ARHGAP6: variants seen among roughly 807,000 people sequenced by gnomAD.
ARHGAP6 encodes the protein rho GTPase-activating protein 6.
ARHGAP6 carries 16 observed loss-of-function variants against 55.7 expected under a neutral mutation model. The ratio of observed to expected loss-of-function variants is 0.29; its 90% CI spans 0.19 to 0.44. The LOEUF is 0.44. ARHGAP6 is among the 20% of genes least tolerant of loss of function. ARHGAP6 has a pLI of 1.00. For missense variants in ARHGAP6, 698 were observed against 808.9 expected (o/e 0.86, Z 1.66); for synonymous variants, 382 against 360.9 (o/e 1.06, Z -0.66).
chrX:11,310,093 C>T (rs935544228), intron 1 of ARHGAP6, among the ~76,000 whole-genome samples: 2 of 101,697 alleles, frequency 2.0e-5, no homozygotes, highest in African/African-American at 3.7e-5. Context: ...CCAGGGAGGT[C>T]GAGGCTGAAG....
rs774295151 is a variant in ARHGAP6 at position 11,408,768 on chromosome X, A to G, written c.589-154061T>C. ...ATGAGTTCTTCCTACCAGAGTTTACAAGATATCTGAGGGTGGCAATGCTAT... is the reference window on the plus strand; with the variant it reads ...ATGAGTTCTTCCTACCAGAGTTTACGAGATATCTGAGGGTGGCAATGCTAT... On this transcript the variant is annotated intron_variant, in intron 1 of 12. Transcript: ENST00000337414. 1.7e-3 allele frequency among the ~76,000 whole-genome samples: 192 copies of G among 110,705 alleles called. 4 individuals carry two copies. The highest frequency in any genetic ancestry group is 9.1e-3 in the Middle Eastern group (2 of 219).
At chrX:11,274,255 G>A (rs746740247) in intron 1 of ARHGAP6, among the ~76,000 whole-genome samples, 3 of 111,754 alleles carry the variant, frequency 2.7e-5, no homozygotes, top group African/African-American at 9.7e-5. Flanking sequence ...CACATTGACT[G>A]AGGCATGCCT....
At position 11,139,292 on chromosome X, in the gene ARHGAP6, C is replaced by A; in HGVS notation, c.2496G>T (p.Arg832=). Residue 832 remains arginine, a synonymous_variant, in exon 13 of 13, where the codon CGG becomes CGT. Transcript: ENST00000337414. ...PHVQVAGKAE[R]PTARSEQYLT... is the part of the protein sequence containing the mutation. ...AGTACTGCTCCGACCTGGCCGTGGG[C>A]CGCTCGGCTTTCCCTGCCACCTGGA... The A allele has an allele frequency of 8.4e-7, 1 of 1,187,319 alleles. No individual in the cohort carries two copies. Among genetic ancestry groups the A allele is most frequent in the Non-Finnish European group, 1.1e-6 (1 of 884,079 alleles).
At chrX:11,352,468 G>T (rs1414127266) in intron 1 of ARHGAP6, among the ~76,000 whole-genome samples, 3 of 111,851 alleles carry the variant, frequency 2.7e-5, no homozygotes, top group Non-Finnish European at 1.9e-5. Context: ...AGACAGCACA[G>T]AAACCACTGA....
chrX:11,214,140 A>G (rs2147396814), intron 2 of ARHGAP6, among the ~76,000 whole-genome samples: 1 of 110,794 alleles, frequency 9.0e-6, no homozygotes, highest in East Asian at 2.8e-4. Flanking sequence ...TTATCTATGA[A>G]TATAAAAGGA....
intron 1 of ARHGAP6, among the ~76,000 whole-genome samples, chrX:11,478,537 T>G (rs945835645): frequency 8.9e-6 from 1 of 112,059 alleles, no homozygotes; most frequent in Non-Finnish European, 1.9e-5. Flanking sequence ...GGGAACTAAC[T>G]GGAAGAGGCA....
intron 11 of ARHGAP6, chrX:11,143,701 G>A: frequency 9.4e-7 from 1 of 1,060,743 alleles, no homozygotes; most frequent in Non-Finnish European, 1.2e-6. Flanking sequence ...GAATCAGCTG[G>A]GAATAGGAGT....
chrX:11,179,424 T>C lies in ARHGAP6; in HGVS notation c.1358A>G (p.Asp453Gly). The change falls in exon 7 of 13, where the codon GAT becomes GGT. Residue 453 changes from aspartate (D) to glycine (G), a missense_variant. By Grantham distance (94) the Asp-to-Gly change is moderately conservative. Transcript: ENST00000337414. ...QLREEFDRGI[D>G]VSLEEEHSVH... is the part of the protein sequence containing the mutation. ...ACTGTGCTCCTCCTCCAGAGAGACATCAATCCCACGGTCAAATTCCTCACG... is the reference window on the plus strand; with the variant it reads ...ACTGTGCTCCTCCTCCAGAGAGACACCAATCCCACGGTCAAATTCCTCACG... The C allele has an allele frequency of 8.3e-7, 1 of 1,209,625 alleles. No individual in the cohort carries two copies.
At chrX:11,633,581 T>C (rs867644070) in intron 1 of ARHGAP6, among the ~76,000 whole-genome samples, 1 of 111,965 alleles carries the variant, frequency 8.9e-6, no homozygotes, top group African/African-American at 3.2e-5. Context: ...TCAATCAACC[T>C]ATATTTACTG....
At chrX:11,556,454 T>C (rs937679030) in intron 1 of ARHGAP6, among the ~76,000 whole-genome samples, 2 of 112,366 alleles carry the variant, frequency 1.8e-5, no homozygotes, top group Non-Finnish European at 3.8e-5. Context: ...ACTTGTGCTA[T>C]ACCCCAGCAA....
intron 2 of ARHGAP6, among the ~76,000 whole-genome samples, chrX:11,251,163 T>C (rs760480812): frequency 5.2e-4 from 58 of 111,574 alleles, no homozygotes; most frequent in Middle Eastern, 9.3e-3. Context: ...TCCTCTCCTC[T>C]TTCCTCAAAC....
At chrX:11,206,873 C>T (rs2046711557) in intron 2 of ARHGAP6, among the ~76,000 whole-genome samples, 1 of 111,462 alleles carries the variant, frequency 9.0e-6, no homozygotes, top group Non-Finnish European at 1.9e-5. Flanking sequence ...AACACGTAAT[C>T]ACATGTTTCT....
At chrX:11,396,447 C>T (rs2049478788) in intron 1 of ARHGAP6, among the ~76,000 whole-genome samples, 1 of 111,611 alleles carries the variant, frequency 9.0e-6, no homozygotes, top group African/African-American at 3.2e-5. Context: ...GCAACTCTCT[C>T]CTCCAGAGAG....
chrX:11,486,932 C>G (rs1217940485), intron 1 of ARHGAP6, among the ~76,000 whole-genome samples: 2 of 111,651 alleles, frequency 1.8e-5, no homozygotes, highest in Non-Finnish European at 3.8e-5. Context: ...GTGAGCAAAG[C>G]ATCCGTGTAG....
At chrX:11,230,757 C>T (rs2047120729) in intron 2 of ARHGAP6, among the ~76,000 whole-genome samples, 1 of 109,716 alleles carries the variant, frequency 9.1e-6, no homozygotes, top group Non-Finnish European at 1.9e-5. Context: ...AATATATGCA[C>T]ACACACACAC....
chrX:11,615,939 A>C (rs2052158736), intron 1 of ARHGAP6, among the ~76,000 whole-genome samples: 1 of 111,632 alleles, frequency 9.0e-6, no homozygotes, highest in African/African-American at 3.3e-5. Context: ...ATTCAAACCC[A>C]ACCCTTCTGC....
chrX:11,598,839 T>A (rs1488233153), intron 1 of ARHGAP6, among the ~76,000 whole-genome samples: 1 of 111,593 alleles, frequency 9.0e-6, no homozygotes, highest in East Asian at 2.8e-4. Flanking sequence ...GGAGGGTTGC[T>A]TGAACACAGG....
chrX:11,660,571 A>C (rs1457939781), intron 1 of ARHGAP6, among the ~76,000 whole-genome samples: 8 of 87,073 alleles, frequency 9.2e-5, no homozygotes, highest in Non-Finnish European at 1.5e-4. Context: ...AAAAAAAAAA[A>C]AAAAAAACCC....
intron 2 of ARHGAP6, among the ~76,000 whole-genome samples, chrX:11,249,765 A>G (rs1720909943): frequency 8.9e-6 from 1 of 112,151 alleles, no homozygotes; most frequent in African/African-American, 3.2e-5. Context: ...TAGTTTGTCA[A>G]ATGTGCTATA....
Sources: allele counts gnomAD v4.1 joint callset (sites outside exome capture counted in the v4.1 genomes callset), GRCh38; gene constraint gnomAD v4.1.1; transcripts MANE v1.5; gene names NCBI Gene and HGNC (gene_info 2026-07-23, HGNC 2026-07-21).